Variants in GPHN observed in about 807,000 individuals in gnomAD.
GPHN encodes the protein gephyrin.
In GPHN, 17 loss-of-function variants were observed where a neutral mutation model predicts 95.5. The observed-to-expected ratio is 0.18, with a 90% CI of 0.12 to 0.27. The LOEUF is 0.27. Ranked by LOEUF, GPHN falls within the 10% of genes least tolerant of loss-of-function variation. The pLI is 1.00. For synonymous variants in GPHN, 320 were observed against 322.5 expected, an observed-to-expected ratio of 0.99 and a Z score of 0.08; for missense variants, 660 against 978.1, an observed-to-expected ratio of 0.67 and a Z score of 4.34.
At chr14:67,072,236 AC>A (rs1486999397) in intron 11 of GPHN, among the ~76,000 whole-genome samples, 2 of 152,168 alleles carry the variant, frequency 1.3e-5, no homozygotes, top group East Asian at 3.8e-4. Flanking sequence ...GCATAAAAAT[AC>A]CTTATTCCAG....
chr14:66,698,409 A>ACTAT (rs939948701), intron 2 of GPHN, among the ~76,000 whole-genome samples: 17 of 152,276 alleles, frequency 1.1e-4, no homozygotes, highest in Admixed American at 9.8e-4. Context: ...AGAAAATTGA[A>ACTAT]CTATATGTTC....
the GPHN span, among the ~76,000 whole-genome samples, chr14:67,349,347 A>C: frequency 1.3e-5 from 2 of 152,234 alleles, no homozygotes; most frequent in Admixed American, 1.3e-4. Context: ...AATGATTTTA[A>C]AGTTCGTGGA....
the GPHN span, chr14:67,646,328 AG>A: frequency 6.3e-6 from 2 of 316,178 alleles, no homozygotes; most frequent in Non-Finnish European, 1.2e-5. Flanking sequence ...TCTGTAAACA[AG>A]TCAGTAATGT....
At chr14:67,499,905 A>G in the GPHN span, among the ~76,000 whole-genome samples, 89,857 of 151,746 alleles carry the variant, frequency 0.59, 28,002 homozygotes, top group Non-Finnish European at 0.69. Flanking sequence ...CACCATCTGA[A>G]GACACCTGGG....
rs551638647 is a variant in GPHN, at chr14:67,015,451, C to T, written c.964-8182C>T. ...CTGTGGCTCAAGCCTGTAATCACAG[C>T]ACTTTGGGAGGCCAAGGCAGGCAGA... On this transcript the variant is annotated intron_variant, in intron 9 of 22. Transcript: ENST00000478722. 5.3e-5 allele frequency among the ~76,000 whole-genome samples: 8 copies of T among 152,242 alleles called. No homozygotes were observed. The South Asian group carries it at 8.3e-4, about 16-fold the overall frequency.
chr14:67,212,628 T>C, the GPHN span, among the ~76,000 whole-genome samples: 2 of 145,476 alleles, frequency 1.4e-5, no homozygotes, highest in Admixed American at 1.4e-4. Flanking sequence ...ATATATATTA[T>C]ATATAATATA....
chr14:67,312,559 C>T, the GPHN span: 5 of 1,604,960 alleles, frequency 3.1e-6, no homozygotes, highest in African/African-American at 1.3e-5. Context: ...ACTATGACCC[C>T]TCAGATGACC....
intron 7 of GPHN, 99 bp from the exon 8 acceptor site, chr14:66,924,095 T>G (rs377690236): frequency 2.5e-5 from 18 of 729,482 alleles, no homozygotes; most frequent in East Asian, 1.0e-4. Context: ...ATTTCATTTT[T>G]CCATTTGTTT....
the GPHN span, among the ~76,000 whole-genome samples, chr14:67,440,500 C>A: frequency 1.3e-5 from 2 of 152,128 alleles, no homozygotes; most frequent in Non-Finnish European, 2.9e-5. Context: ...GTGGCTCACA[C>A]CTGTAATCCC....
chr14:66,748,949 A>G (rs931645090), intron 2 of GPHN, among the ~76,000 whole-genome samples: 32 of 151,930 alleles, frequency 2.1e-4, no homozygotes, highest in Non-Finnish European at 1.2e-4. Context: ...AGAATACTCA[A>G]ACTGTAGTAT....
chr14:67,624,203 G>C, the GPHN span, among the ~76,000 whole-genome samples: 1 of 152,198 alleles, frequency 6.6e-6, no homozygotes, highest in Admixed American at 6.5e-5. Context: ...TACCATGTGA[G>C]AAGGAGTGGG....
chr14:67,552,163 T>C, the GPHN span, among the ~76,000 whole-genome samples: 1 of 152,168 alleles, frequency 6.6e-6, no homozygotes, highest in East Asian at 1.9e-4. Flanking sequence ...CTGGTGAAAG[T>C]AGATCCCTGT....
At chr14:67,456,908 G>A in the GPHN span, among the ~76,000 whole-genome samples, 1 of 152,188 alleles carries the variant, frequency 6.6e-6, no homozygotes, top group Non-Finnish European at 1.5e-5. Flanking sequence ...AGTGGATAAA[G>A]AAAATGTGGT....
intron 8 of GPHN, among the ~76,000 whole-genome samples, chr14:66,964,718 A>C (rs1166627711): frequency 6.6e-6 from 1 of 152,120 alleles, no homozygotes; most frequent in African/African-American, 2.4e-5. Context: ...CCCTATCCCA[A>C]CTCAGTCTTC....
intron 1 of GPHN, among the ~76,000 whole-genome samples, chr14:66,547,500 G>A (rs2059645433): frequency 6.6e-6 from 1 of 152,206 alleles, no homozygotes; most frequent in African/African-American, 2.4e-5. Flanking sequence ...CAGTGAATCA[G>A]AAATAGACAA....
the GPHN span, among the ~76,000 whole-genome samples, chr14:67,393,584 G>A: frequency 2.6e-5 from 4 of 152,250 alleles, no homozygotes; most frequent in East Asian, 7.7e-4. Context: ...CTCCGGAGCA[G>A]CTGGGATTAC....
chr14:67,408,444 AC>A, the GPHN span, among the ~76,000 whole-genome samples: 2 of 152,186 alleles, frequency 1.3e-5, no homozygotes, highest in Non-Finnish European at 2.9e-5. Flanking sequence ...TAACCTCTGG[AC>A]CTGTAAGTGT....
At chr14:66,984,020 G>A (rs926798604) in intron 9 of GPHN, among the ~76,000 whole-genome samples, 7 of 152,104 alleles carry the variant, frequency 4.6e-5, no homozygotes, top group African/African-American at 1.7e-4. Context: ...ACCTAATGTT[G>A]CTGAGCTTAA....
At chr14:67,180,230 G>A (rs374822773) in intron 22 of GPHN, among the ~76,000 whole-genome samples, 2 of 152,170 alleles carry the variant, frequency 1.3e-5, no homozygotes, top group African/African-American at 4.8e-5. Context: ...CAGAAAAGTT[G>A]TAGTACTCTT....
Sources: gnomAD v4.1 joint callset for allele counts (sites outside exome capture counted in the v4.1 genomes callset) on GRCh38, gnomAD v4.1.1 for gene constraint, MANE v1.5 for transcripts, NCBI Gene and HGNC (gene_info 2026-07-23, HGNC 2026-07-21) for gene names.